The following RPS6KA2 variants were observed in gnomAD, a reference collection of about 807,000 sequenced individuals.
RPS6KA2 encodes the protein ribosomal protein S6 kinase alpha-2.
Under a neutral mutation model 91.8 loss-of-function variants are expected in RPS6KA2, and 42 were observed. The ratio of observed to expected loss-of-function variants is 0.46; its 90% CI spans 0.36 to 0.59. The LOEUF is 0.59. RPS6KA2 is among the 20% of genes least tolerant of loss of function. The pLI, the probability that RPS6KA2 is intolerant of heterozygous loss-of-function variation, is 0.00. For synonymous variants in RPS6KA2, 414 were observed against 393.6 expected, an observed-to-expected ratio of 1.05 and a Z score of -0.61; for missense variants, 798 against 978.5, an observed-to-expected ratio of 0.82 and a Z score of 2.46.
intron 2 of RPS6KA2, among the ~76,000 whole-genome samples, chr6:166,708,949 C>T (rs913987276): frequency 2.0e-5 from 3 of 152,170 alleles, no homozygotes; most frequent in African/African-American, 4.8e-5. Context: ...ATGTAGACAA[C>T]TGGGAGAGAT....
At chr6:166,826,606 G>T (rs568887452) in intron 2 of RPS6KA2, among the ~76,000 whole-genome samples, 20 of 152,260 alleles carry the variant, frequency 1.3e-4, no homozygotes, top group African/African-American at 2.9e-4. Context: ...GCTTTTCTAC[G>T]GATTATAAAA....
rs1278284481 is a variant in RPS6KA2, at chr6:166,500,076, G to A, written c.604+811C>T. Reference sequence around the variant, plus strand: ...GATGCTGCCTGCTGGCTTCCACCATGGGGGACGCAGCCCAGCCAAGGACTG... The same window carrying A: ...GATGCTGCCTGCTGGCTTCCACCATAGGGGACGCAGCCCAGCCAAGGACTG... On this transcript the variant is annotated intron_variant, in intron 7 of 20. Coordinates refer to ENST00000265678, the MANE Select transcript of RPS6KA2 (RefSeq NM_021135.6). The surrounding 1 kb of genome is among the most constrained non-coding windows in gnomAD (Gnocchi z 4.3). Among the ~76,000 whole-genome samples, 13 of 152,196 alleles carry A rather than the reference G, an allele frequency of 8.5e-5. No individual in the cohort carries two copies. Among genetic ancestry groups the A allele is most frequent in the Admixed American group, 7.9e-4 (12 of 15,284 alleles).
At chr6:166,763,074 A>C (rs980428137) in intron 2 of RPS6KA2, among the ~76,000 whole-genome samples, 2 of 152,224 alleles carry the variant, frequency 1.3e-5, no homozygotes, top group African/African-American at 4.8e-5. Context: ...TCTTAAGCTA[A>C]AAATATTTGG....
Position 166,726,691 on chromosome 6 carries a change from T to G in RPS6KA2, c.123+131509A>C, listed in dbSNP as rs1419702911. On this transcript the variant is annotated intron_variant, in intron 2 of 21. Transcript: ENST00000503859. The surrounding 1 kb of genome is among the most constrained non-coding windows in gnomAD (Gnocchi z 4.4). ...CGTGTACTGATGCTGCTGGCAGCATTGGAAAGTGACTCTTACAACTTCAGT... is the reference window on the plus strand; with the variant it reads ...CGTGTACTGATGCTGCTGGCAGCATGGGAAAGTGACTCTTACAACTTCAGT... Among the ~76,000 whole-genome samples the G allele has an allele frequency of 2.0e-5, 3 of 152,234 alleles. No homozygotes were observed. Among genetic ancestry groups the G allele is most frequent in the Non-Finnish European group, 4.4e-5 (3 of 68,046 alleles).
In RPS6KA2 at chr6:166,825,124, C is replaced by A. The variant is rs1202621; in HGVS notation, c.123+33076G>T. Among the ~76,000 whole-genome samples the A allele has an allele frequency of 0.58, 88,956 of 152,090 alleles. 26,788 individuals carry two copies. The highest frequency in any genetic ancestry group is 0.73 in the Middle Eastern group (216 of 294). On this transcript the variant is annotated intron_variant, in intron 2 of 21. Transcript: ENST00000503859. The surrounding 1 kb of genome is among the most constrained non-coding windows in gnomAD (Gnocchi z 4.1). The stretch of plus-strand genomic sequence containing the variant: ...CCTCTAAAAACCCTTTTACAAATGT[C>A]GCTTTCATGATCAGGAATCCATTTC...
At chr6:166,736,856 G>A (rs1005642620) in intron 2 of RPS6KA2, among the ~76,000 whole-genome samples, 3 of 152,198 alleles carry the variant, frequency 2.0e-5, no homozygotes, top group African/African-American at 7.2e-5. Flanking sequence ...CAGTTGTAAA[G>A]TTCATGAATC....
At chr6:166,689,073 T>G (rs892342852) in intron 2 of RPS6KA2, among the ~76,000 whole-genome samples, 19 of 152,252 alleles carry the variant, frequency 1.2e-4, no homozygotes, top group Non-Finnish European at 2.8e-4. Context: ...AGGCCAGCCC[T>G]GAGCAGGTCC....
At chr6:166,676,143 C>T (rs1192236290) in intron 2 of RPS6KA2, among the ~76,000 whole-genome samples, 1 of 152,068 alleles carries the variant, frequency 6.6e-6, no homozygotes, top group Non-Finnish European at 1.5e-5. Flanking sequence ...ATGATGAAAC[C>T]TTGTCTCTAC....
intron 14 of RPS6KA2, among the ~76,000 whole-genome samples, chr6:166,447,115 A>G (rs1183997771): frequency 4.6e-5 from 7 of 152,144 alleles, no homozygotes; most frequent in African/African-American, 1.4e-4. Context: ...ACCAATCTCA[A>G]CAATCCAAAT....
intron 10 of RPS6KA2, among the ~76,000 whole-genome samples, chr6:166,470,834 G>C (rs111467352): frequency 0.022 from 3,294 of 152,294 alleles, 131 homozygotes; most frequent in African/African-American, 0.075. Flanking sequence ...ACTTAAAACT[G>C]TTCTGAACAC....
Position 166,412,704 on chromosome 6 carries a change from G to A in RPS6KA2, c.*58C>T, listed in dbSNP as rs1778350052. 12 of 1,510,730 alleles carry A rather than the reference G, an allele frequency of 7.9e-6. No individual in the cohort carries two copies. The highest frequency in any genetic ancestry group is 1.2e-5 in the South Asian group (1 of 81,194). 93.6% of individuals were successfully genotyped at this position (1,510,730 alleles called of 1,614,324 possible). ...TGGGTGCCAGACGGGCTCCGAGGCCGGGGTCTGTGAGCCCACGAGGATGCT... is the reference window on the plus strand; with the variant it reads ...TGGGTGCCAGACGGGCTCCGAGGCCAGGGTCTGTGAGCCCACGAGGATGCT... On this transcript the variant is annotated 3_prime_UTR_variant, in exon 21 of 21. Transcript: ENST00000265678. The surrounding 1 kb of genome is among the most constrained non-coding windows in gnomAD (Gnocchi z 4.3).
At chr6:166,740,648 T>C (rs1006205771) in intron 2 of RPS6KA2, among the ~76,000 whole-genome samples, 2 of 152,228 alleles carry the variant, frequency 1.3e-5, no homozygotes, top group African/African-American at 2.4e-5. Flanking sequence ...AAGTTAAAGA[T>C]AGAAAACTCT....
chr6:166,610,049 A>G (rs911221929), intron 1 of RPS6KA2, among the ~76,000 whole-genome samples: 23 of 152,070 alleles, frequency 1.5e-4, no homozygotes, highest in Admixed American at 2.0e-4. Context: ...TCTCCTCATT[A>G]TATCTCTTGC....
At chr6:166,679,419 A>G (rs1311567884) in intron 2 of RPS6KA2, among the ~76,000 whole-genome samples, 2 of 152,142 alleles carry the variant, frequency 1.3e-5, no homozygotes, top group African/African-American at 4.8e-5. Flanking sequence ...AGCTGAGATC[A>G]CACCACTGCA....
intron 3 of RPS6KA2, among the ~76,000 whole-genome samples, chr6:166,525,403 A>G (rs1381365598): frequency 6.6e-6 from 1 of 152,100 alleles, no homozygotes; most frequent in Non-Finnish European, 1.5e-5. Context: ...GCAAGGTTGC[A>G]AGCGCACCCC....
At position 166,750,471 on chromosome 6, in the gene RPS6KA2, T is replaced by A. The variant is rs556122955; in HGVS notation, c.123+107729A>T. 3.3e-5 allele frequency among the ~76,000 whole-genome samples: 5 copies of A among 152,344 alleles called. No individual in the cohort carries two copies. In the South Asian group the frequency reaches 1.0e-3, roughly 32 times the overall value. Reference sequence around the variant, plus strand: ...ACACACGCCTTTCCGGGGCCTGTACTTGTCAATCCCCAGACATCCCTGGCT... The same window carrying A: ...ACACACGCCTTTCCGGGGCCTGTACATGTCAATCCCCAGACATCCCTGGCT... On this transcript the variant is annotated intron_variant, in intron 2 of 21. Transcript: ENST00000503859.
chr6:166,722,473 C>G (rs992306367), intron 2 of RPS6KA2, among the ~76,000 whole-genome samples: 5 of 152,252 alleles, frequency 3.3e-5, no homozygotes, highest in African/African-American at 1.2e-4. Context: ...CATCCTGGTT[C>G]TAAAATCACC....
At chr6:166,711,879 AC>A (rs1400163779) in intron 2 of RPS6KA2, among the ~76,000 whole-genome samples, 4 of 152,236 alleles carry the variant, frequency 2.6e-5, no homozygotes, top group Middle Eastern at 3.2e-3. Context: ...TTAAAAAAAA[AC>A]AAGACCAATA....
chr6:166,689,380 G>T (rs1789129647), intron 2 of RPS6KA2, among the ~76,000 whole-genome samples: 1 of 152,244 alleles, frequency 6.6e-6, no homozygotes, highest in African/African-American at 2.4e-5. Flanking sequence ...CCACGGATAT[G>T]TGTGCGTGGC....
Sources: allele counts gnomAD v4.1 joint callset (sites outside exome capture counted in the v4.1 genomes callset), GRCh38; gene constraint gnomAD v4.1.1; non-coding constraint Gnocchi (gnomAD v3.1); transcripts MANE v1.5; gene names NCBI Gene and HGNC (gene_info 2026-07-23, HGNC 2026-07-21).